The following CLVS1 variants were observed in gnomAD, a reference collection of about 807,000 sequenced individuals.
The protein encoded by CLVS1 is clavesin 1, also known as clavesin-1.
CLVS1 carries 10 observed loss-of-function variants against 33.1 expected under a neutral mutation model. The ratio of observed to expected loss-of-function variants is 0.30; its 90% CI spans 0.19 to 0.51. The LOEUF (loss-of-function observed/expected upper bound fraction) is 0.51. CLVS1 is among the 20% of genes least tolerant of loss of function. The pLI, the probability that CLVS1 is intolerant of heterozygous loss-of-function variation, is 0.97. For synonymous variants in CLVS1, 163 were observed against 166.1 expected, an observed-to-expected ratio of 0.98 and a Z score of 0.14; for missense variants, 343 against 433.4, an observed-to-expected ratio of 0.79 and a Z score of 1.85.
At chr8:61,233,535 GAAAAAGA>G (rs1361936165) in intron 2 of CLVS1, among the ~76,000 whole-genome samples, 1 of 145,946 alleles carries the variant, frequency 6.9e-6, no homozygotes, top group African/African-American at 2.5e-5. Flanking sequence ...GAAAGAAAAA[GAAAAAGA>G]AAAAAAAAAG....
chr8:61,195,037 A>G (rs1807574258), intron 2 of CLVS1, among the ~76,000 whole-genome samples: 1 of 151,966 alleles, frequency 6.6e-6, no homozygotes, highest in Non-Finnish European at 1.5e-5. Flanking sequence ...AATATTATAT[A>G]TCAAAACATG....
chr8:61,232,655 T>C (rs1443506460), intron 2 of CLVS1, among the ~76,000 whole-genome samples: 1 of 152,214 alleles, frequency 6.6e-6, no homozygotes, highest in Non-Finnish European at 1.5e-5. Context: ...AATATATGGA[T>C]ATTCATAAAT....
chr8:61,448,965 T>C (rs1462196637), intron 3 of CLVS1, among the ~76,000 whole-genome samples: 1 of 152,206 alleles, frequency 6.6e-6, no homozygotes, highest in African/African-American at 2.4e-5. Context: ...TAAAGAGTGA[T>C]TTTTTAAAAT....
intron 2 of CLVS1, among the ~76,000 whole-genome samples, chr8:61,232,023 G>GTTTGTTTT: frequency 1.6e-4 from 10 of 62,654 alleles, no homozygotes; most frequent in East Asian, 3.5e-4. Flanking sequence ...GAAAGTTGTG[G>GTTTGTTTT]TTTTTTTTTT....
chr8:60,979,521 G>T, the CLVS1 span, among the ~76,000 whole-genome samples: 1 of 152,172 alleles, frequency 6.6e-6, no homozygotes, highest in Non-Finnish European at 1.5e-5. Flanking sequence ...CATCCCTCCC[G>T]GTATCTGCTT....
At chr8:61,173,478 AT>A (rs1176971163) in intron 2 of CLVS1, among the ~76,000 whole-genome samples, 2 of 152,216 alleles carry the variant, frequency 1.3e-5, no homozygotes, top group African/African-American at 4.8e-5. Flanking sequence ...GGATGTAGGC[AT>A]TTAATGCTGT....
At chr8:61,442,946 A>G (rs1467933526) in intron 3 of CLVS1, among the ~76,000 whole-genome samples, 1 of 152,134 alleles carries the variant, frequency 6.6e-6, no homozygotes, top group Non-Finnish European at 1.5e-5. Context: ...TTGTAGTGTG[A>G]TATCTCATTG....
At chr8:61,106,677 A>G (rs1805544979) in intron 1 of CLVS1, among the ~76,000 whole-genome samples, 1 of 152,194 alleles carries the variant, frequency 6.6e-6, no homozygotes. Flanking sequence ...GACCAGCTAC[A>G]TGGAAACCCA....
intron 1 of CLVS1, among the ~76,000 whole-genome samples, chr8:61,112,943 C>T (rs1217833685): frequency 5.3e-5 from 8 of 152,144 alleles, no homozygotes; most frequent in South Asian, 2.1e-4. Context: ...GGAAAGTTTT[C>T]GATGCTTGGT....
intron 3 of CLVS1, among the ~76,000 whole-genome samples, chr8:61,399,762 G>T (rs1814676103): frequency 6.6e-6 from 1 of 152,170 alleles, no homozygotes; most frequent in Non-Finnish European, 1.5e-5. Flanking sequence ...TGGCTAGCCA[G>T]TTCTCCCAGC....
intron 5 of CLVS1, among the ~76,000 whole-genome samples, chr8:61,460,683 C>G (rs1817337359): frequency 6.6e-6 from 1 of 152,176 alleles, no homozygotes; most frequent in South Asian, 2.1e-4. Context: ...TCAAAACACT[C>G]TCATGATAAG....
At chr8:61,289,077 C>T (rs1055330854) in intron 1 of CLVS1, among the ~76,000 whole-genome samples, 4 of 152,200 alleles carry the variant, frequency 2.6e-5, no homozygotes, top group African/African-American at 9.6e-5. Context: ...AGATCCCTTG[C>T]CCAAATGGCA....
chr8:61,058,461 G>A (rs1244747789), intron 1 of CLVS1, among the ~76,000 whole-genome samples: 3 of 152,180 alleles, frequency 2.0e-5, no homozygotes, highest in Non-Finnish European at 4.4e-5. Context: ...GATACCATAT[G>A]TGGAAGTTAC....
At chr8:61,413,907 A>G (rs1815330002) in intron 3 of CLVS1, among the ~76,000 whole-genome samples, 1 of 152,202 alleles carries the variant, frequency 6.6e-6, no homozygotes, top group African/African-American at 2.4e-5. Context: ...TCCCAAATAT[A>G]TATTTTCAGG....
intron 2 of CLVS1, among the ~76,000 whole-genome samples, chr8:61,241,813 G>A (rs1339753558): frequency 6.6e-6 from 1 of 152,154 alleles, no homozygotes; most frequent in Non-Finnish European, 1.5e-5. Context: ...AGTTCTTCCA[G>A]AAGAAATTTC....
rs530845860 is a variant in CLVS1 at position 61,379,346 on chromosome 8, G to A, written c.630+2567G>A. ...TGCTTCTCAACCTCTGGAGAATTTT[G>A]GGCCTTGGGTTATGAAACCCTCCCC... On this transcript the variant is annotated intron_variant, in intron 3 of 5. Coordinates refer to ENST00000325897, the MANE Select transcript of CLVS1 (RefSeq NM_173519.3). Among the ~76,000 whole-genome samples, 115 of 152,176 alleles carry A rather than the reference G, an allele frequency of 7.6e-4. 2 individuals carry two copies. In the South Asian group the frequency reaches 0.024, roughly 31 times the overall value.
At chr8:61,075,335 A>G (rs1016334475) in intron 1 of CLVS1, among the ~76,000 whole-genome samples, 6 of 152,200 alleles carry the variant, frequency 3.9e-5, no homozygotes, top group Admixed American at 3.9e-4. Context: ...CAAAAGTTCA[A>G]AAGGATTATG....
intron 1 of CLVS1, among the ~76,000 whole-genome samples, chr8:61,071,401 C>G (rs974621299): frequency 1.3e-5 from 2 of 152,174 alleles, no homozygotes; most frequent in African/African-American, 4.8e-5. Context: ...AGGCTTGTGG[C>G]CCCTTCCTGG....
chr8:61,077,847 AT>A (rs1358102353), intron 1 of CLVS1, among the ~76,000 whole-genome samples: 1 of 151,946 alleles, frequency 6.6e-6, no homozygotes. Context: ...ATCTGCGAGG[AT>A]TTTGGTGGGG....
Sources: allele counts gnomAD v4.1 joint callset (sites outside exome capture counted in the v4.1 genomes callset), GRCh38; gene constraint gnomAD v4.1.1; transcripts MANE v1.5; gene names NCBI Gene and HGNC (gene_info 2026-07-23, HGNC 2026-07-21).